CCDC171: variants seen among roughly 807,000 people sequenced by gnomAD.
CCDC171 encodes the protein coiled-coil domain-containing protein 171.
In CCDC171, 177 loss-of-function variants were observed where a neutral mutation model predicts 168.2. That is an observed-to-expected ratio of 1.05 (90% CI 0.93 to 1.19). CCDC171 has a LOEUF of 1.19. CCDC171 is among the 50% of genes most tolerant of loss of function. CCDC171 has a pLI of 0.00. For missense variants in CCDC171, 1,991 were observed against 1,539.0 expected, an observed-to-expected ratio of 1.29 and a Z score of -4.91; for synonymous variants, 687 against 540.8, an observed-to-expected ratio of 1.27 and a Z score of -3.75.
At chr9:15,913,891 G>T in intron 24 of CCDC171, among the ~76,000 whole-genome samples, 1 of 152,168 alleles carries the variant, frequency 6.6e-6, no homozygotes, top group East Asian at 1.9e-4. Context: ...CCTTCTAACA[G>T]TCAGGTCCCT....
At chr9:15,768,359 T>A (rs2056844270) in intron 18 of CCDC171, among the ~76,000 whole-genome samples, 1 of 152,188 alleles carries the variant, frequency 6.6e-6, no homozygotes. Context: ...CTTACTCTTA[T>A]TCTCCATATT....
chr9:15,972,401 T>A lies in CCDC171; in HGVS notation c.*565T>A, dbSNP rs1589285541. On this transcript the variant is annotated 3_prime_UTR_variant, in exon 26 of 26. Transcript: ENST00000380701. ...TCCTGCACAATAATGTCACTCCTGGTCAATGTGAGAAGGTCAGGTTGCTCC... is the reference window on the plus strand; with the variant it reads ...TCCTGCACAATAATGTCACTCCTGGACAATGTGAGAAGGTCAGGTTGCTCC... 6.5e-6 allele frequency: 1 copy of A among 153,182 alleles called. No homozygotes were observed. The highest frequency in any genetic ancestry group is 2.4e-5 in the African/African-American group (1 of 41,458). 9.5% of individuals were successfully genotyped at this position (153,182 alleles called of 1,614,324 possible).
rs371508341 is a variant in CCDC171, at chr9:15,888,949, C to CTTTTTTTTTTTT, written c.3600+14301_3600+14312dup. The stretch of plus-strand genomic sequence containing the variant: ...ATGGTATATGCCTCATTTTTCTTTT[C>CTTTTTTTTTTTT]TTTTTTTTTTTTTTTTTTTTTTTTT... On this transcript the variant is annotated intron_variant, in intron 24 of 25. Coordinates refer to ENST00000380701, the MANE Select transcript of CCDC171 (RefSeq NM_173550.4). 6.3e-4 allele frequency: 46 copies of CTTTTTTTTTTTT among 73,346 alleles called. 3 individuals carry two copies. Among genetic ancestry groups the CTTTTTTTTTTTT allele is most frequent in the Non-Finnish European group, 9.5e-4 (38 of 39,900 alleles). The allele number at this position is 73,346 out of a possible 1,614,324, so 4.5% of individuals were successfully genotyped here.
chr9:15,922,980 C>G (rs954616746), intron 25 of CCDC171, among the ~76,000 whole-genome samples: 1 of 151,452 alleles, frequency 6.6e-6, no homozygotes, highest in African/African-American at 2.4e-5. Context: ...ACATGTATAG[C>G]TTGCAAATAT....
chr9:15,632,802 T>C (rs578256029), intron 7 of CCDC171, among the ~76,000 whole-genome samples: 1 of 152,346 alleles, frequency 6.6e-6, no homozygotes, highest in South Asian at 2.1e-4. Flanking sequence ...CAAAACAGTA[T>C]GGTACTGGTA....
chr9:15,882,067 C>G (rs566085495), intron 24 of CCDC171, among the ~76,000 whole-genome samples: 2 of 152,114 alleles, frequency 1.3e-5, no homozygotes, highest in African/African-American at 4.8e-5. Context: ...TAATAGTGTG[C>G]GAGGATTCTC....
At chr9:15,648,970 A>T (rs11787714) in intron 7 of CCDC171, among the ~76,000 whole-genome samples, 2,517 of 152,184 alleles carry the variant, frequency 0.017, 28 homozygotes, top group Non-Finnish European at 0.026. Flanking sequence ...ACAAAGCTAG[A>T]GGCATCATGC....
intron 3 of CCDC171, among the ~76,000 whole-genome samples, chr9:15,988,445 A>G (rs1231267368): frequency 6.6e-6 from 1 of 152,214 alleles, no homozygotes; most frequent in Non-Finnish European, 1.5e-5. Context: ...TGGAAAAGGC[A>G]GTTCCAAGAT....
chr9:15,571,223 G>T (rs1262497878), intron 2 of CCDC171, among the ~76,000 whole-genome samples: 1 of 152,100 alleles, frequency 6.6e-6, no homozygotes, highest in Non-Finnish European at 1.5e-5. Flanking sequence ...TTGGGAGAGA[G>T]TAGGGTGCTT....
intron 21 of CCDC171, among the ~76,000 whole-genome samples, chr9:15,793,410 A>G (rs545614050): frequency 2.0e-5 from 3 of 152,154 alleles, no homozygotes; most frequent in East Asian, 1.9e-4. Flanking sequence ...CATTAGATCA[A>G]TGAGACAGAA....
intron 25 of CCDC171, among the ~76,000 whole-genome samples, chr9:15,944,151 T>A (rs1828032842): frequency 6.6e-6 from 1 of 152,022 alleles, no homozygotes; most frequent in Non-Finnish European, 1.5e-5. Context: ...AACGTGATAT[T>A]TGTAAGATTC....
At chr9:15,687,939 C>G (rs558101809) in intron 10 of CCDC171, among the ~76,000 whole-genome samples, 1 of 151,730 alleles carries the variant, frequency 6.6e-6, no homozygotes, top group African/African-American at 2.4e-5. Context: ...GCCAACGTAG[C>G]GAAACCCCGT....
At chr9:15,598,121 T>G (rs2042523870) in intron 6 of CCDC171, among the ~76,000 whole-genome samples, 1 of 152,200 alleles carries the variant, frequency 6.6e-6, no homozygotes, top group African/African-American at 2.4e-5. Context: ...ATTGATTTTT[T>G]GAAGGGTTTT....
intron 7 of CCDC171, among the ~76,000 whole-genome samples, chr9:15,629,840 T>C (rs1001822773): frequency 8.5e-5 from 13 of 152,086 alleles, no homozygotes; most frequent in African/African-American, 2.9e-4. Context: ...CGGCAGAAAC[T>C]CTACAAGCCA....
At chr9:15,769,970 T>C (rs372190026) in intron 18 of CCDC171, among the ~76,000 whole-genome samples, 14 of 152,274 alleles carry the variant, frequency 9.2e-5, no homozygotes, top group African/African-American at 3.1e-4. Flanking sequence ...ACAAATTGCA[T>C]TGAATATGTT....
At chr9:15,667,759 G>C (rs2048834438) in intron 9 of CCDC171, among the ~76,000 whole-genome samples, 1 of 152,152 alleles carries the variant, frequency 6.6e-6, no homozygotes, top group Admixed American at 6.5e-5. Flanking sequence ...GATTGCACCT[G>C]AAAGACTGAA....
At chr9:15,757,820 C>T (rs914984825) in intron 18 of CCDC171, among the ~76,000 whole-genome samples, 3 of 152,176 alleles carry the variant, frequency 2.0e-5, no homozygotes, top group African/African-American at 7.2e-5. Context: ...AGAGCTTGGT[C>T]CATGGCTTCA....
intron 7 of CCDC171, among the ~76,000 whole-genome samples, chr9:15,637,081 C>T (rs1011288885): frequency 2.6e-5 from 4 of 151,894 alleles, no homozygotes; most frequent in Non-Finnish European, 4.4e-5. Flanking sequence ...CATGGTGAAA[C>T]CCCATCTCTA....
At chr9:15,621,653 A>G (rs1340913007) in intron 6 of CCDC171, among the ~76,000 whole-genome samples, 4 of 152,202 alleles carry the variant, frequency 2.6e-5, no homozygotes, top group African/African-American at 4.8e-5. Flanking sequence ...GGTTGTGGAG[A>G]AAAGGGAACA....
Sources: gnomAD v4.1 joint callset for allele counts (sites outside exome capture counted in the v4.1 genomes callset) on GRCh38, gnomAD v4.1.1 for gene constraint, MANE v1.5 for transcripts, NCBI Gene and HGNC (gene_info 2026-07-23, HGNC 2026-07-21) for gene names.